Variants in NBEA observed in about 807,000 individuals in gnomAD.
The protein encoded by NBEA is lysosomal-trafficking regulator 2.
NBEA carries 44 observed loss-of-function variants against 343.4 expected under a neutral mutation model. The observed-to-expected ratio is 0.13, with a 90% CI of 0.10 to 0.16. NBEA has a LOEUF of 0.16. Ranked by LOEUF, NBEA falls within the 10% of genes least tolerant of loss-of-function variation. The pLI is 1.00. For synonymous variants in NBEA, 1,175 were observed against 1,238.7 expected (o/e 0.95, Z 1.08); for missense variants, 2,555 against 3,631.3 (o/e 0.70, Z 7.62).
chr13:35,191,266 G>A (rs1476828153), intron 30 of NBEA, among the ~76,000 whole-genome samples: 1 of 152,044 alleles, frequency 6.6e-6, no homozygotes, highest in Non-Finnish European at 1.5e-5. Flanking sequence ...CCCTACAGTT[G>A]ATGAAAATCA....
At chr13:35,535,326 G>GTTTT (rs975376097) in intron 41 of NBEA, among the ~76,000 whole-genome samples, 1 of 152,244 alleles carries the variant, frequency 6.6e-6, no homozygotes, top group South Asian at 2.1e-4. Context: ...GTTTTGTTTT[G>GTTTT]TTTTTTATGT....
intron 34 of NBEA, among the ~76,000 whole-genome samples, chr13:35,281,081 T>A (rs1380851171): frequency 6.6e-6 from 1 of 152,106 alleles, no homozygotes; most frequent in Non-Finnish European, 1.5e-5. Flanking sequence ...GATTTGGATA[T>A]AGGATTTTCT....
chr13:35,334,149 T>C (rs2039101506), intron 36 of NBEA, among the ~76,000 whole-genome samples: 1 of 152,134 alleles, frequency 6.6e-6, no homozygotes, highest in Non-Finnish European at 1.5e-5. Context: ...TTGTACTAAT[T>C]TACATTCCCA....
intron 41 of NBEA, among the ~76,000 whole-genome samples, chr13:35,498,361 T>C (rs2076762183): frequency 6.6e-6 from 1 of 152,038 alleles, no homozygotes; most frequent in Non-Finnish European, 1.5e-5. Flanking sequence ...ATGGGTTCCT[T>C]TGTAGTACCT....
intron 45 of NBEA, among the ~76,000 whole-genome samples, chr13:35,575,763 C>G (rs1173919029): frequency 6.6e-6 from 1 of 152,040 alleles, no homozygotes; most frequent in East Asian, 1.9e-4. Flanking sequence ...AATTATCTCC[C>G]ATGTGTCTTA....
At chr13:35,430,875 A>G (rs1373102179) in intron 38 of NBEA, among the ~76,000 whole-genome samples, 1 of 152,158 alleles carries the variant, frequency 6.6e-6, no homozygotes, top group African/African-American at 2.4e-5. Context: ...TTCATCAAGT[A>G]ATCATTATTT....
chr13:35,079,456 C>T (rs545303676), intron 10 of NBEA, among the ~76,000 whole-genome samples: 4 of 152,238 alleles, frequency 2.6e-5, no homozygotes, highest in South Asian at 2.1e-4. Context: ...AAGACAGAAA[C>T]TCACATATTC....
intron 33 of NBEA, among the ~76,000 whole-genome samples, chr13:35,218,845 C>T (rs2074210693): frequency 6.6e-6 from 1 of 151,808 alleles, no homozygotes; most frequent in African/African-American, 2.4e-5. Context: ...TGTAAGAAAT[C>T]CAATTTCATT....
intron 41 of NBEA, among the ~76,000 whole-genome samples, chr13:35,504,235 A>G (rs1420116264): frequency 6.6e-6 from 1 of 152,206 alleles, no homozygotes; most frequent in African/African-American, 2.4e-5. Flanking sequence ...CAACAAAACA[A>G]CCAAAAACAC....
At chr13:35,224,270 T>C (rs1459294131) in intron 33 of NBEA, among the ~76,000 whole-genome samples, 2 of 152,186 alleles carry the variant, frequency 1.3e-5, no homozygotes, top group Non-Finnish European at 2.9e-5. Context: ...TTTTGCCATG[T>C]AATATAGTTT....
At chr13:35,526,578 T>C (rs1280391341) in intron 41 of NBEA, among the ~76,000 whole-genome samples, 5 of 152,170 alleles carry the variant, frequency 3.3e-5, no homozygotes, top group Non-Finnish European at 7.4e-5. Context: ...CCTTGGAGTG[T>C]CACTTTTCCA....
At chr13:35,285,946 T>G (rs1441823967) in intron 34 of NBEA, among the ~76,000 whole-genome samples, 1 of 152,142 alleles carries the variant, frequency 6.6e-6, no homozygotes, top group Admixed American at 6.6e-5. Context: ...ATTGCATGCT[T>G]CTTTATACCT....
intron 41 of NBEA, among the ~76,000 whole-genome samples, chr13:35,497,177 T>G (rs925721831): frequency 7.2e-5 from 11 of 152,086 alleles, no homozygotes; most frequent in Non-Finnish European, 1.3e-4. Flanking sequence ...CATTGCCACT[T>G]AAAGTGATTC....
chr13:35,655,156 G>A, intron 54 of NBEA, 146 bp downstream of exon 54: 1 of 612,514 alleles, frequency 1.6e-6, no homozygotes, highest in Non-Finnish European at 2.5e-6. Flanking sequence ...CACATTGTAA[G>A]CAAAGTAACT....
At chr13:35,350,483 C>T (rs1447896933) in intron 37 of NBEA, among the ~76,000 whole-genome samples, 1 of 151,966 alleles carries the variant, frequency 6.6e-6, no homozygotes, top group Admixed American at 6.6e-5. Flanking sequence ...TTTTATCCCC[C>T]ACCCGACACA....
chr13:35,177,023 C>T lies in NBEA; in HGVS notation c.4582C>T (p.Leu1528Phe). The change falls in exon 28 of 59, where the codon CTT (leucine) becomes TTT (phenylalanine). Residue 1528 changes from leucine (L) to phenylalanine (F), a missense_variant. Around this residue, in one of 21 missense-constraint regions of NBEA, gnomAD observed 168 missense variants for 193.0 expected, o/e 0.87. Transcript: ENST00000379939. The stretch of plus-strand genomic sequence containing the variant: ...TCCATTGGAAAATGTTCCAGGTAAC[C>T]TTTCTCCTATTAAGGATCCGGATAG... ...KTPLENVPGN[L>F]SPIKDPDRLL... The T allele has an allele frequency of 6.2e-7, 1 of 1,601,750 alleles. No homozygotes were observed.
intron 34 of NBEA, among the ~76,000 whole-genome samples, chr13:35,279,680 A>G (rs922526435): frequency 1.3e-5 from 2 of 152,114 alleles, no homozygotes; most frequent in African/African-American, 4.8e-5. Context: ...CTTGCTCTCT[A>G]GTTTCAGACT....
At chr13:35,482,821 CCATCAT>C (rs1274872991) in intron 41 of NBEA, among the ~76,000 whole-genome samples, 1 of 151,632 alleles carries the variant, frequency 6.6e-6, no homozygotes, top group African/African-American at 2.4e-5. Context: ...CAAATATATA[CCATCAT>C]AGAAGCTCTA....
chr13:35,200,448 G>T (rs1265071858), intron 31 of NBEA, among the ~76,000 whole-genome samples: 1 of 68,866 alleles, frequency 1.5e-5, no homozygotes, highest in African/African-American at 4.6e-5. Flanking sequence ...CACTTAGTTT[G>T]AACAAAAGAC....
Sources: allele counts gnomAD v4.1 joint callset (sites outside exome capture counted in the v4.1 genomes callset), GRCh38; gene constraint gnomAD v4.1.1; regional missense constraint gnomAD v4.1.1; transcripts MANE v1.5; gene names NCBI Gene and HGNC (gene_info 2026-07-23, HGNC 2026-07-21).